The following DIP2C variants were observed in gnomAD, a reference collection of about 807,000 sequenced individuals.
DIP2C encodes the protein disco-interacting protein 2 homolog C.
DIP2C carries 33 observed loss-of-function variants against 192.4 expected under a neutral mutation model. That is an observed-to-expected ratio of 0.17 (90% CI 0.13 to 0.23). The LOEUF (loss-of-function observed/expected upper bound fraction) is 0.23, where lower values mean the gene tolerates loss of function less well. Ranked by LOEUF, DIP2C falls within the 10% of genes least tolerant of loss-of-function variation. DIP2C has a pLI of 1.00. For missense variants in DIP2C, 1,537 were observed against 2,110.1 expected (o/e 0.73, Z 5.32); for synonymous variants, 979 against 864.1 (o/e 1.13, Z -2.33).
intron 1 of DIP2C, among the ~76,000 whole-genome samples, chr10:564,900 T>C (rs557212359): frequency 1.3e-5 from 2 of 152,306 alleles, no homozygotes; most frequent in South Asian, 2.1e-4. Context: ...AGTAGAAATC[T>C]TTCTTCTCTG....
chr10:538,255 T>G (rs1437213314), intron 1 of DIP2C, among the ~76,000 whole-genome samples: 1 of 152,186 alleles, frequency 6.6e-6, no homozygotes, highest in Non-Finnish European at 1.5e-5. Flanking sequence ...ACTCTGGGCT[T>G]CAGAGATCCT....
rs1411433446 is a variant in DIP2C, at chr10:651,901, G to C, written c.85+37593C>G. ...ACGGCCTCGCTGTACTCAGGGAGTC[G>C]GTTCCAGGACCCCATGGACACCAAA... On this transcript the variant is annotated intron_variant, in intron 1 of 36. Transcript: ENST00000280886. This position sits in a 1 kb window ranked among gnomAD's most constrained non-coding sequence, Gnocchi z 4.1. 1 of 180,156 alleles carries C rather than the reference G, an allele frequency of 5.6e-6. No individual in the cohort carries two copies. The highest frequency in any genetic ancestry group is 5.5e-5 in the Admixed American group (1 of 18,062). The allele number at this position is 180,156 out of a possible 1,614,324, so 11.2% of individuals were successfully genotyped here.
At chr10:414,401 GC>G (rs1965401518) in intron 7 of DIP2C, among the ~76,000 whole-genome samples, 1 of 152,170 alleles carries the variant, frequency 6.6e-6, no homozygotes, top group Admixed American at 6.5e-5. Flanking sequence ...GTGCCCAGAG[GC>G]TGGAATTCAA....
chr10:588,614 C>A (rs950187251), intron 1 of DIP2C, among the ~76,000 whole-genome samples: 1 of 152,222 alleles, frequency 6.6e-6, no homozygotes, highest in East Asian at 1.9e-4. Context: ...CAAGTCCAAG[C>A]GCAGAGGCTC....
At chr10:532,616 A>AGAGAGAGTATGGGTGT (rs1564824519) in intron 1 of DIP2C, among the ~76,000 whole-genome samples, 6 of 114,244 alleles carry the variant, frequency 5.3e-5, no homozygotes, top group African/African-American at 1.9e-4. Context: ...TATGGGTGTG[A>AGAGAGAGTATGGGTGT]GAGAGAGTAT....
chr10:343,116 C>T (rs1958240677), intron 28 of DIP2C, among the ~76,000 whole-genome samples: 1 of 152,068 alleles, frequency 6.6e-6, no homozygotes, highest in Admixed American at 6.5e-5. Context: ...AGTGAAACCC[C>T]ATCTCTACTA....
intron 1 of DIP2C, among the ~76,000 whole-genome samples, chr10:648,843 C>A (rs923042105): frequency 2.0e-4 from 21 of 105,970 alleles, no homozygotes; most frequent in Admixed American, 7.1e-4. Flanking sequence ...TGACGGTGGG[C>A]GAGAACAGAG....
chr10:574,911 A>G (rs1007286978), intron 1 of DIP2C, among the ~76,000 whole-genome samples: 2 of 152,306 alleles, frequency 1.3e-5, no homozygotes, highest in East Asian at 3.9e-4. Context: ...GGTTTGTCAC[A>G]GAAGAGAGCT....
At chr10:645,889 C>A (rs911975957) in intron 1 of DIP2C, among the ~76,000 whole-genome samples, 1 of 152,162 alleles carries the variant, frequency 6.6e-6, no homozygotes, top group African/African-American at 2.4e-5. Flanking sequence ...CCTGTCTCCC[C>A]CAAAATGCTG....
At chr10:413,345 C>A (rs757156606) in intron 8 of DIP2C, among the ~76,000 whole-genome samples, 1 of 152,130 alleles carries the variant, frequency 6.6e-6, no homozygotes, top group East Asian at 1.9e-4. Flanking sequence ...CCTTGGAAAC[C>A]GATTTTGATT....
chr10:659,455 T>C (rs997023684), intron 1 of DIP2C, among the ~76,000 whole-genome samples: 2 of 152,244 alleles, frequency 1.3e-5, no homozygotes, highest in Non-Finnish European at 2.9e-5. Flanking sequence ...ATCCCCCAAA[T>C]GTAACTTCTT....
chr10:502,056 G>A (rs1588315326), intron 1 of DIP2C, among the ~76,000 whole-genome samples: 2 of 152,338 alleles, frequency 1.3e-5, no homozygotes, highest in East Asian at 1.9e-4. Context: ...TGAGGTGGGA[G>A]GATTGCTCGA....
At chr10:612,222 G>A (rs1357802111) in intron 1 of DIP2C, among the ~76,000 whole-genome samples, 3 of 152,112 alleles carry the variant, frequency 2.0e-5, no homozygotes, top group South Asian at 4.2e-4. Flanking sequence ...GAACCCAGGA[G>A]GCGAGGTTGC....
chr10:573,786 T>C (rs138134305), intron 1 of DIP2C, among the ~76,000 whole-genome samples: 1 of 152,272 alleles, frequency 6.6e-6, no homozygotes, highest in East Asian at 1.9e-4. Context: ...AACAAGTAAT[T>C]GTGTAAGAGA....
chr10:536,204 T>A (rs1711681961), intron 1 of DIP2C, among the ~76,000 whole-genome samples: 1 of 152,132 alleles, frequency 6.6e-6, no homozygotes, highest in African/African-American at 2.4e-5. Flanking sequence ...TGAAACCACA[T>A]CACGCCCATC....
chr10:622,847 A>G (rs1301129131), intron 1 of DIP2C, among the ~76,000 whole-genome samples: 2 of 152,174 alleles, frequency 1.3e-5, no homozygotes, highest in Admixed American at 1.3e-4. Flanking sequence ...CTAGATCAAG[A>G]GCTGTGTTAG....
At position 274,792 on chromosome 10, in the gene DIP2C, CCT is replaced by C. The variant is rs1349529883; in HGVS notation, c.*2531_*2532del. 6.6e-6 allele frequency: 1 copy of C among 152,112 alleles called. No homozygotes were observed. Among genetic ancestry groups the C allele is most frequent in the Non-Finnish European group, 1.5e-5 (1 of 68,026 alleles). The allele number at this position is 152,112 out of a possible 1,614,324, so 9.4% of individuals were successfully genotyped here. ...CTGTGTTTATATGTTCACTGTGTAC[CCT>C]CTTTTTGTGCAAGTTGATTACACGG... is the stretch of plus-strand genomic sequence containing the variant. On this transcript the variant is annotated 3_prime_UTR_variant, in exon 37 of 37. Transcript: ENST00000280886.
At chr10:365,658 A>C (rs1960101743) in intron 19 of DIP2C, among the ~76,000 whole-genome samples, 1 of 152,236 alleles carries the variant, frequency 6.6e-6, no homozygotes, top group Admixed American at 6.5e-5. Context: ...AAAAGATAAG[A>C]GTTCTGAGTT....
intron 3 of DIP2C, among the ~76,000 whole-genome samples, chr10:441,672 C>A (rs865949744): frequency 2.0e-4 from 31 of 152,210 alleles, no homozygotes; most frequent in African/African-American, 7.2e-4. Context: ...TTGCCTCCCA[C>A]CATGATTCTG....
Sources: gnomAD v4.1 joint callset for allele counts (sites outside exome capture counted in the v4.1 genomes callset) on GRCh38, gnomAD v4.1.1 for gene constraint, Gnocchi (gnomAD v3.1) non-coding constraint, MANE v1.5 for transcripts, NCBI Gene and HGNC (gene_info 2026-07-23, HGNC 2026-07-21) for gene names.